CASR: variants seen among roughly 807,000 people sequenced by gnomAD.
The protein encoded by CASR is calcium sensing receptor.
CASR carries 23 observed loss-of-function variants against 69.1 expected under a neutral mutation model. That is an observed-to-expected ratio of 0.33 (90% CI 0.24 to 0.47). The LOEUF (loss-of-function observed/expected upper bound fraction) is 0.47, where lower values mean the gene tolerates loss of function less well. CASR is among the 20% of genes least tolerant of loss of function. The pLI, the probability that CASR is intolerant of heterozygous loss-of-function variation, is 1.00. For synonymous variants in CASR, 541 were observed against 544.7 expected, an observed-to-expected ratio of 0.99 and a Z score of 0.10; for missense variants, 924 against 1,356.1, an observed-to-expected ratio of 0.68 and a Z score of 5.00.
chr3:122,237,874 G>GT (rs1345551314), intron 1 of CASR, among the ~76,000 whole-genome samples: 2 of 152,172 alleles, frequency 1.3e-5, no homozygotes, highest in Non-Finnish European at 1.5e-5. Context: ...CTTTTTGGTA[G>GT]TATCTACTAA....
Position 122,284,335 on chromosome 3 carries a change from C to T in CASR, c.2381C>T (p.Ser794Phe). ...AAICFFFAFK[S>F]RKLPENFNEA... ...ATCTGCTTCTTCTTTGCCTTCAAGT[C>T]CCGGAAGCTGCCGGAGAACTTCAAT... The change falls in exon 7 of 7, where the codon TCC becomes TTC. Residue 794 changes from serine to phenylalanine, a missense_variant. Physicochemically the swap from Ser to Phe is radical, Grantham distance 155 (BLOSUM62 -2). Coordinates refer to ENST00000639785, the MANE Select transcript of CASR (RefSeq NM_000388.4). 1.2e-6 allele frequency: 2 copies of T among 1,614,120 alleles called. No individual in the cohort carries two copies. The highest frequency in any genetic ancestry group is 1.7e-6 in the Non-Finnish European group (2 of 1,180,032).
chr3:122,269,122 A>G (rs568767060), intron 4 of CASR, among the ~76,000 whole-genome samples: 14 of 152,354 alleles, frequency 9.2e-5, no homozygotes, highest in African/African-American at 3.4e-4. Context: ...AGAAGAAAAG[A>G]AGCAACTTTA....
chr3:122,223,903 G>A (rs767186436), intron 1 of CASR, among the ~76,000 whole-genome samples: 3 of 152,146 alleles, frequency 2.0e-5, no homozygotes, highest in African/African-American at 7.2e-5. Context: ...ATCAATAAAT[G>A]CAATTTCCCA....
intron 1 of CASR, among the ~76,000 whole-genome samples, chr3:122,252,125 C>T (rs1214373272): frequency 6.6e-6 from 1 of 151,744 alleles, no homozygotes; most frequent in Non-Finnish European, 1.5e-5. Context: ...TGAGACCCAT[C>T]TCTATAAAAA....
At chr3:122,247,936 T>C (rs779433657) in intron 1 of CASR, among the ~76,000 whole-genome samples, 9 of 152,208 alleles carry the variant, frequency 5.9e-5, no homozygotes, top group Non-Finnish European at 1.0e-4. Flanking sequence ...CAGCTGCTTT[T>C]CATTACGCTC....
In CASR at chr3:122,257,401, C is replaced by T. The variant is rs758428750; in HGVS notation, c.492+14C>T. 6.2e-7 allele frequency: 1 copy of T among 1,607,342 alleles called. No homozygotes were observed. Among genetic ancestry groups the T allele is most frequent in the South Asian group, 1.1e-5 (1 of 90,944 alleles). ...TACATTCCCCAGGTACTCAAGCCTTCTCAGGCGGGGCACTGGGAGCAGGAT... is the reference window on the plus strand; with the variant it reads ...TACATTCCCCAGGTACTCAAGCCTTTTCAGGCGGGGCACTGGGAGCAGGAT... On this transcript the variant is annotated intron_variant, in intron 3 of 6. Transcript: ENST00000639785.
intron 1 of CASR, among the ~76,000 whole-genome samples, chr3:122,239,716 CAGAA>C (rs766388991): frequency 4.9e-4 from 75 of 152,262 alleles, no homozygotes; most frequent in African/African-American, 1.6e-3. Context: ...AACCTCAGCA[CAGAA>C]AGAAAGGCTG....
At chr3:122,193,991 G>A (rs2073863384) in intron 1 of CASR, among the ~76,000 whole-genome samples, 1 of 152,160 alleles carries the variant, frequency 6.6e-6, no homozygotes, top group Admixed American at 6.5e-5. Flanking sequence ...AGGCCTGAGG[G>A]TTTGTAGGTG....
At chr3:122,255,273 AGACT>A (rs770961039) in intron 2 of CASR, among the ~76,000 whole-genome samples, 2 of 152,180 alleles carry the variant, frequency 1.3e-5, no homozygotes, top group Non-Finnish European at 2.9e-5. Flanking sequence ...TCTACACTGG[AGACT>A]GACTGTGCTC....
Position 122,272,609 on chromosome 3 carries a change from A to G in CASR, c.1378-3203A>G, listed in dbSNP as rs142498075. Among the ~76,000 whole-genome samples, 245 of 152,320 alleles carry G rather than the reference A, an allele frequency of 1.6e-3. 1 individual carries two copies. The highest frequency in any genetic ancestry group is 5.8e-3 in the African/African-American group (239 of 41,558). On this transcript the variant is annotated intron_variant, in intron 4 of 6. Coordinates refer to ENST00000639785, the MANE Select transcript of CASR (RefSeq NM_000388.4). ...ATACCCCATCAGTTAGCAGTTAACT[A>G]TATTTTATCTTGCACTGTTTACTGC...
chr3:122,212,710 C>T (rs949527369), intron 1 of CASR, among the ~76,000 whole-genome samples: 1 of 150,846 alleles, frequency 6.6e-6, no homozygotes, highest in Admixed American at 6.6e-5. Flanking sequence ...GGCGCGATCT[C>T]GGCTCACCAC....
intron 2 of CASR, 101 bp from the exon 3 acceptor site, chr3:122,256,980 T>C: frequency 1.1e-6 from 1 of 934,614 alleles, no homozygotes; most frequent in Non-Finnish European, 1.7e-6. Context: ...AGCCAGAGAG[T>C]AGTAACAGTT....
chr3:122,194,096 T>C (rs925709817), intron 1 of CASR, among the ~76,000 whole-genome samples: 1 of 152,084 alleles, frequency 6.6e-6, no homozygotes, highest in Admixed American at 6.5e-5. Flanking sequence ...TGCTCTCCAG[T>C]CTACACGCCT....
rs778597649 is a variant in CASR, at chr3:122,284,199, T to G, written c.2245T>G (p.Ser749Ala). 1 of 1,613,746 alleles carries G rather than the reference T, an allele frequency of 6.2e-7. No individual in the cohort carries two copies. Among genetic ancestry groups the G allele is most frequent in the Non-Finnish European group, 8.5e-7 (1 of 1,179,978 alleles). ...GATCTGGCTCTACACCGCGCCCCCG[T>G]CAAGCTACCGCAACCAGGAGCTGGA... The part of the protein sequence containing the change: ...CVIWLYTAPP[S>A]SYRNQELEDE... The change falls in exon 7 of 7, where the codon TCA (serine) becomes GCA (alanine). Residue 749 changes from serine (S) to alanine (A), a missense_variant. Transcript: ENST00000639785.
In CASR at chr3:122,286,419, C is replaced by A. The variant is rs200447586; in HGVS notation, c.*1228C>A. On this transcript the variant is annotated 3_prime_UTR_variant, in exon 7 of 7. Coordinates refer to ENST00000639785, the MANE Select transcript of CASR (RefSeq NM_000388.4). ...CCTCAGAGCTCTTATGTGGATTAAA[C>A]GAGATAATGTATATAAAGTACTTTA... is the stretch of plus-strand genomic sequence containing the variant. 3.3e-5 allele frequency: 5 copies of A among 152,210 alleles called. No individual in the cohort carries two copies. The highest frequency in any genetic ancestry group is 3.4e-3 in the Middle Eastern group (1 of 294). The allele number at this position is 152,210 out of a possible 1,614,324, so 9.4% of individuals were successfully genotyped here. A position where few individuals can be genotyped will look rare whatever the true frequency, so the allele number is the denominator to read the frequency against.
chr3:122,249,553 T>C (rs999089198), intron 1 of CASR, among the ~76,000 whole-genome samples: 3 of 152,248 alleles, frequency 2.0e-5, no homozygotes, highest in African/African-American at 7.2e-5. Context: ...CTGAAAAGCC[T>C]AACAAGCCAT....
chr3:122,224,183 C>G (rs1017183886), intron 1 of CASR, among the ~76,000 whole-genome samples: 1 of 152,086 alleles, frequency 6.6e-6, no homozygotes. Flanking sequence ...TACTGGAAAT[C>G]CTAGCCAGTG....
At chr3:122,203,093 T>G (rs2073973866) in intron 1 of CASR, among the ~76,000 whole-genome samples, 1 of 152,254 alleles carries the variant, frequency 6.6e-6, no homozygotes, top group Non-Finnish European at 1.5e-5. Context: ...TTCTGTGTTC[T>G]TTTTCTTCTG....
intron 1 of CASR, among the ~76,000 whole-genome samples, chr3:122,217,701 GA>G (rs895499757): frequency 1.3e-5 from 2 of 152,160 alleles, no homozygotes; most frequent in Non-Finnish European, 2.9e-5. Flanking sequence ...CACAAAAAGG[GA>G]AGAAGGACTA....
Sources: gnomAD v4.1 joint callset for allele counts (sites outside exome capture counted in the v4.1 genomes callset) on GRCh38, gnomAD v4.1.1 for gene constraint, MANE v1.5 for transcripts, NCBI Gene and HGNC (gene_info 2026-07-23, HGNC 2026-07-21) for gene names.